Variants in ELOVL6 observed in about 807,000 individuals in gnomAD.
The protein encoded by ELOVL6 is very long chain fatty acid elongase 6.
ELOVL6 carries 8 observed loss-of-function variants against 31.7 expected under a neutral mutation model. The ratio of observed to expected loss-of-function variants is 0.25; its 90% CI spans 0.15 to 0.45. The LOEUF is 0.45. Among genes scored for constraint, ELOVL6 ranks in the 20% least tolerant of loss-of-function variants. The pLI, the probability that ELOVL6 is intolerant of heterozygous loss-of-function variation, is 1.00. For synonymous variants in ELOVL6, 101 were observed against 117.7 expected, an observed-to-expected ratio of 0.86 and a Z score of 0.92; for missense variants, 126 against 326.4, an observed-to-expected ratio of 0.39 and a Z score of 4.73.
At chr4:110,069,605 A>G (rs1030440123) in intron 2 of ELOVL6, among the ~76,000 whole-genome samples, 1 of 152,162 alleles carries the variant, frequency 6.6e-6, no homozygotes, top group African/African-American at 2.4e-5. Context: ...TGTTTTATAG[A>G]CAAAGAAACA....
At chr4:110,084,447 C>CACATATA (rs779545208) in intron 2 of ELOVL6, among the ~76,000 whole-genome samples, 2 of 109,810 alleles carry the variant, frequency 1.8e-5, no homozygotes, top group East Asian at 2.5e-4. Context: ...TATGATATAT[C>CACATATA]GCATATATCA....
At chr4:110,123,124 A>G (rs1247172097) in intron 1 of ELOVL6, among the ~76,000 whole-genome samples, 1 of 152,212 alleles carries the variant, frequency 6.6e-6, no homozygotes, top group Non-Finnish European at 1.5e-5. Flanking sequence ...TAAATGGTTT[A>G]TTTGATTTTT....
At chr4:110,116,728 T>A (rs1316508873) in intron 1 of ELOVL6, among the ~76,000 whole-genome samples, 1 of 152,184 alleles carries the variant, frequency 6.6e-6, no homozygotes, top group African/African-American at 2.4e-5. Flanking sequence ...TTTAAGTATG[T>A]TTTCCTGTTT....
chr4:110,075,365 AC>A (rs1324925351), intron 2 of ELOVL6, among the ~76,000 whole-genome samples: 1 of 152,260 alleles, frequency 6.6e-6, no homozygotes, highest in Non-Finnish European at 1.5e-5. Context: ...GATGAAAGCA[AC>A]CTAAATGTAT....
intron 2 of ELOVL6, among the ~76,000 whole-genome samples, chr4:110,094,428 TATATATATATATA>T (rs1325871528): frequency 1.7e-5 from 1 of 57,710 alleles, no homozygotes; most frequent in African/African-American, 8.5e-5. Context: ...TATATATATA[TATATATATATATA>T]TAATATATAT....
At chr4:110,107,304 C>T (rs985425976) in intron 1 of ELOVL6, among the ~76,000 whole-genome samples, 3 of 152,118 alleles carry the variant, frequency 2.0e-5, no homozygotes. Context: ...TCTCTTGGGC[C>T]CACAAGACCT....
At chr4:110,084,085 A>C (rs13119495) in intron 2 of ELOVL6, among the ~76,000 whole-genome samples, 1 of 88,210 alleles carries the variant, frequency 1.1e-5, no homozygotes, top group Non-Finnish European at 2.2e-5. Context: ...GCTATATATG[A>C]TATATAACAT....
intron 1 of ELOVL6, among the ~76,000 whole-genome samples, chr4:110,107,203 T>C (rs1029169996): frequency 6.6e-6 from 1 of 152,206 alleles, no homozygotes; most frequent in African/African-American, 2.4e-5. Context: ...GTGACCTACT[T>C]AGTGAATACC....
intron 2 of ELOVL6, among the ~76,000 whole-genome samples, chr4:110,065,687 T>G (rs1386947222): frequency 6.6e-6 from 1 of 152,176 alleles, no homozygotes; most frequent in African/African-American, 2.4e-5. Flanking sequence ...TCTGACCATT[T>G]ACCTACTTGG....
intron 1 of ELOVL6, among the ~76,000 whole-genome samples, chr4:110,165,380 C>G (rs1209051168): frequency 6.6e-6 from 1 of 152,196 alleles, no homozygotes; most frequent in Non-Finnish European, 1.5e-5. Context: ...ACTCCTTAGC[C>G]TGGCTTCCAA....
At chr4:110,135,066 G>A (rs900933750) in intron 1 of ELOVL6, among the ~76,000 whole-genome samples, 6 of 152,112 alleles carry the variant, frequency 3.9e-5, no homozygotes, top group Admixed American at 1.3e-4. Context: ...ACTAACAGAC[G>A]TATAAAATAG....
chr4:110,160,867 C>G (rs1238799413), intron 1 of ELOVL6, among the ~76,000 whole-genome samples: 1 of 152,228 alleles, frequency 6.6e-6, no homozygotes, highest in African/African-American at 2.4e-5. Flanking sequence ...ATCTCACACA[C>G]TGACTGACTC....
rs1347991889 is a variant in ELOVL6, at chr4:110,050,307, G to A, written c.*1031C>T. 6.6e-6 allele frequency: 1 copy of A among 152,620 alleles called. No homozygotes were observed. Among genetic ancestry groups the A allele is most frequent in the Non-Finnish European group, 1.5e-5 (1 of 68,046 alleles). The allele number at this position is 152,620 out of a possible 1,614,324, so 9.5% of individuals were successfully genotyped here. On this transcript the variant is annotated 3_prime_UTR_variant, in exon 4 of 4. Transcript: ENST00000302274. The stretch of plus-strand genomic sequence containing the variant: ...TTGGAAAGTTATGAGTGTGTGTGAA[G>A]TCAAACAGGGAGGGGCATACACACC...
At chr4:110,074,238 A>T (rs1755568796) in intron 2 of ELOVL6, among the ~76,000 whole-genome samples, 1 of 152,198 alleles carries the variant, frequency 6.6e-6, no homozygotes. Flanking sequence ...ATACTTTAAA[A>T]CATCTCCAGG....
intron 1 of ELOVL6, among the ~76,000 whole-genome samples, chr4:110,112,631 G>A (rs1386308733): frequency 1.3e-5 from 2 of 152,052 alleles, no homozygotes; most frequent in African/African-American, 4.8e-5. Flanking sequence ...CCAACACTTC[G>A]GGAGGCTGAG....
chr4:110,072,174 G>C (rs907438322), intron 2 of ELOVL6, among the ~76,000 whole-genome samples: 1 of 152,142 alleles, frequency 6.6e-6, no homozygotes, highest in African/African-American at 2.4e-5. Flanking sequence ...AAAAAATTAA[G>C]TGGCACCTGT....
intron 1 of ELOVL6, among the ~76,000 whole-genome samples, chr4:110,144,907 TTTCTC>T (rs1758064709): frequency 5.9e-5 from 9 of 152,252 alleles, no homozygotes; most frequent in Non-Finnish European, 1.2e-4. Flanking sequence ...TGTTGAAACC[TTTCTC>T]TTCTATTGTA....
chr4:110,095,537 CA>C (rs1276450984), intron 2 of ELOVL6, among the ~76,000 whole-genome samples: 1 of 149,492 alleles, frequency 6.7e-6, no homozygotes, highest in Non-Finnish European at 1.5e-5. Flanking sequence ...GTCTGTTTTG[CA>C]GGAAAAGATT....
intron 1 of ELOVL6, among the ~76,000 whole-genome samples, chr4:110,137,075 T>C (rs1043445265): frequency 2.0e-5 from 3 of 152,198 alleles, no homozygotes; most frequent in African/African-American, 7.2e-5. Flanking sequence ...TAATCTGATA[T>C]CAAATAGGTC....
Sources: gnomAD v4.1 joint callset for allele counts (sites outside exome capture counted in the v4.1 genomes callset) on GRCh38, gnomAD v4.1.1 for gene constraint, MANE v1.5 for transcripts, NCBI Gene and HGNC (gene_info 2026-07-23, HGNC 2026-07-21) for gene names.